Variants in NALCN observed in about 807,000 individuals in gnomAD.
The protein encoded by NALCN is sodium leak channel, non-selective.
Under a neutral mutation model 225.3 loss-of-function variants are expected in NALCN, and 111 were observed. The observed-to-expected ratio is 0.49, with a 90% CI of 0.42 to 0.58. The LOEUF (loss-of-function observed/expected upper bound fraction) is 0.58, where lower values mean the gene tolerates loss of function less well. Ranked by LOEUF, NALCN falls within the 20% of genes least tolerant of loss-of-function variation. The pLI, the probability that NALCN is intolerant of heterozygous loss-of-function variation, is 0.00. For missense variants in NALCN, 1,378 were observed against 2,202.4 expected (o/e 0.63, Z 7.49); for synonymous variants, 764 against 769.0 (o/e 0.99, Z 0.11).
At chr13:101,232,174 G>A (rs1472116854) in intron 12 of NALCN, among the ~76,000 whole-genome samples, 6 of 151,384 alleles carry the variant, frequency 4.0e-5, no homozygotes, top group Admixed American at 1.3e-4. Context: ...ACACCATATC[G>A]GCCTCTGAAT....
intron 10 of NALCN, among the ~76,000 whole-genome samples, chr13:101,274,857 G>C (rs921992669): frequency 1.3e-5 from 2 of 152,130 alleles, no homozygotes; most frequent in Non-Finnish European, 2.9e-5. Flanking sequence ...TCCCTGAGTT[G>C]TAAGTACTGC....
intron 13 of NALCN, among the ~76,000 whole-genome samples, chr13:101,192,736 C>T (rs1452108): frequency 0.058 from 8,841 of 152,210 alleles, 750 homozygotes; most frequent in African/African-American, 0.19. Context: ...AGCTAAAAAT[C>T]TCACACACTT....
At chr13:101,259,102 A>G (rs1172565927) in intron 10 of NALCN, among the ~76,000 whole-genome samples, 1 of 152,100 alleles carries the variant, frequency 6.6e-6, no homozygotes, top group Non-Finnish European at 1.5e-5. Flanking sequence ...CATGTACATC[A>G]TACTTGCTCT....
chr13:101,244,238 TGAAA>T (rs2041827104), intron 11 of NALCN, among the ~76,000 whole-genome samples: 1 of 152,198 alleles, frequency 6.6e-6, no homozygotes, highest in Non-Finnish European at 1.5e-5. Flanking sequence ...AATGAATGCC[TGAAA>T]GATATTCCAA....
chr13:101,065,297 G>T, intron 40 of NALCN, 107 bp downstream of exon 40: 2 of 1,200,784 alleles, frequency 1.7e-6, no homozygotes, highest in Non-Finnish European at 2.4e-6. Flanking sequence ...CAGCAGATGT[G>T]GCATTTTGGG....
intron 11 of NALCN, among the ~76,000 whole-genome samples, chr13:101,252,784 TAATGCTAGGGGGTG>T (rs1453561612): frequency 6.6e-6 from 1 of 152,146 alleles, no homozygotes; most frequent in East Asian, 1.9e-4. Flanking sequence ...TAGCTGGGGA[TAATGCTAGGGGGTG>T]ACACAGAGCT....
chr13:101,061,574 T>A (rs1201737382), intron 41 of NALCN, among the ~76,000 whole-genome samples: 1 of 152,064 alleles, frequency 6.6e-6, no homozygotes, highest in African/African-American at 2.4e-5. Flanking sequence ...AGAGATGGGG[T>A]TTTGCCATGT....
chr13:101,212,815 C>T (rs2040576253), intron 13 of NALCN, among the ~76,000 whole-genome samples: 2 of 152,096 alleles, frequency 1.3e-5, no homozygotes, highest in Admixed American at 1.3e-4. Flanking sequence ...GTCTATCCAT[C>T]TGAAGTCTTA....
rs199923046 is a variant in NALCN, at chr13:101,378,537, T to C, written c.375+33A>G. 141 of 1,537,318 alleles carry C rather than the reference T, an allele frequency of 9.2e-5. 1 individual carries two copies. The African/African-American group carries it at 1.6e-3, about 18-fold the overall frequency. ...GCAAAATAATTCCCATTTTGGAGAATACCTGCTTGTAATTTAAAAAATATT... is the reference window on the plus strand; with the variant it reads ...GCAAAATAATTCCCATTTTGGAGAACACCTGCTTGTAATTTAAAAAATATT... On this transcript the variant is annotated intron_variant, in intron 4 of 43. Transcript: ENST00000251127.
chr13:101,064,731 C>T (rs577139390), intron 40 of NALCN, among the ~76,000 whole-genome samples: 9 of 152,094 alleles, frequency 5.9e-5, no homozygotes, highest in East Asian at 1.9e-4. Context: ...GAATCAGCCC[C>T]GCAATACCTC....
At chr13:101,159,958 A>ATTTT (rs1464179928) in intron 15 of NALCN, among the ~76,000 whole-genome samples, 1 of 151,410 alleles carries the variant, frequency 6.6e-6, no homozygotes, top group Admixed American at 6.6e-5. Context: ...TGTTATTTTT[A>ATTTT]TTTTATTTTA....
intron 40 of NALCN, among the ~76,000 whole-genome samples, 154 bp downstream of exon 40, chr13:101,065,250 C>T (rs2032277335): frequency 6.6e-6 from 1 of 152,210 alleles, no homozygotes; most frequent in Admixed American, 6.5e-5. Flanking sequence ...GGAAAGGGCA[C>T]TTAGCGCCTG....
chr13:101,178,377 C>G (rs1188819271), intron 14 of NALCN, among the ~76,000 whole-genome samples: 2 of 152,170 alleles, frequency 1.3e-5, no homozygotes, highest in Non-Finnish European at 2.9e-5. Flanking sequence ...CGGAAGGGAT[C>G]CTGTTCGCCT....
chr13:101,409,166 T>C (rs532063474), intron 1 of NALCN, among the ~76,000 whole-genome samples: 1 of 152,266 alleles, frequency 6.6e-6, no homozygotes, highest in South Asian at 2.1e-4. Context: ...CCTTTTGTCA[T>C]TGCACCCTGC....
chr13:101,092,528 C>A (rs1444414565), intron 28 of NALCN, among the ~76,000 whole-genome samples: 1 of 152,172 alleles, frequency 6.6e-6, no homozygotes, highest in Non-Finnish European at 1.5e-5. Flanking sequence ...TCTGACCCTG[C>A]CCCCTTCACC....
intron 13 of NALCN, among the ~76,000 whole-genome samples, chr13:101,225,015 C>T (rs531779465): frequency 2.0e-4 from 30 of 152,294 alleles, no homozygotes; most frequent in African/African-American, 6.5e-4. Context: ...ACAGCCTCTC[C>T]GTCAACCAAT....
chr13:101,083,016 T>C, intron 32 of NALCN, 76 bp downstream of exon 32: 6 of 1,546,144 alleles, frequency 3.9e-6, no homozygotes, highest in Admixed American at 1.7e-5. Flanking sequence ...TGAATGCATA[T>C]AGCAGCTTGT....
intron 14 of NALCN, 62 bp downstream of exon 14, chr13:101,191,855 C>T (rs1594402825): frequency 6.5e-7 from 1 of 1,539,614 alleles, no homozygotes; most frequent in East Asian, 2.4e-5. Context: ...GGCCAAATAT[C>T]TGTTGATGTT....
Position 101,104,206 on chromosome 13 carries a change from A to C in NALCN, c.2889+89T>G. On this transcript the variant is annotated intron_variant, in intron 25 of 43. Transcript: ENST00000251127. This position sits in a 1 kb window ranked among gnomAD's most constrained non-coding sequence, Gnocchi z 4.2. ...TCGGTTAGGGAATCTAAGCCTCTGT[A>C]ACTCATACCTCTTGCGCTTATACCA... 1.4e-5 allele frequency: 21 copies of C among 1,449,206 alleles called. No individual in the cohort carries two copies. The highest frequency in any genetic ancestry group is 1.8e-5 in the Non-Finnish European group (19 of 1,077,650). 89.8% of individuals were successfully genotyped at this position (1,449,206 alleles called of 1,614,324 possible).
Sources: allele counts gnomAD v4.1 joint callset (sites outside exome capture counted in the v4.1 genomes callset), GRCh38; gene constraint gnomAD v4.1.1; non-coding constraint Gnocchi (gnomAD v3.1); transcripts MANE v1.5; gene names NCBI Gene and HGNC (gene_info 2026-07-23, HGNC 2026-07-21).